The following NCL variants were observed in gnomAD, a reference collection of about 807,000 sequenced individuals.
NCL encodes the protein nucleolin multifunctional protein.
Under a neutral mutation model 77.7 loss-of-function variants are expected in NCL, and 4 were observed. That is an observed-to-expected ratio of 0.05 (90% CI 0.03 to 0.12). The LOEUF is 0.12. Among genes scored for constraint, NCL ranks in the 10% least tolerant of loss-of-function variants. NCL has a pLI of 1.00. For missense variants in NCL, 763 were observed against 860.9 expected, an observed-to-expected ratio of 0.89 and a Z score of 1.42; for synonymous variants, 344 against 297.8, an observed-to-expected ratio of 1.16 and a Z score of -1.60.
chr2:231,457,881 T>C, intron 8 of NCL, 81 bp from the exon 9 acceptor site: 1 of 1,309,546 alleles, frequency 7.6e-7, no homozygotes, highest in Non-Finnish European at 1.0e-6. Context: ...CAGAACTTGC[T>C]TCAGATCTGA....
At chr2:231,458,578 A>G in intron 7 of NCL, 189 bp from the exon 8 acceptor site, 1 of 706,218 alleles carries the variant, frequency 1.4e-6, no homozygotes, top group South Asian at 2.0e-5. Context: ...CCATGTTGTC[A>G]CAGCTGATGT....
chr2:231,463,444 A>C, intron 1 of NCL, 128 bp from the exon 2 acceptor site: 1 of 736,888 alleles, frequency 1.4e-6, no homozygotes, highest in Admixed American at 2.4e-5. Flanking sequence ...CAAACACCAC[A>C]ACTAACATAG....
At chr2:231,456,213 C>T in intron 11 of NCL, 77 bp from the exon 12 acceptor site, 1 of 1,552,990 alleles carries the variant, frequency 6.4e-7, no homozygotes, top group Non-Finnish European at 8.8e-7. Flanking sequence ...CCTAGTATGA[C>T]TACTAGCCAA....
chr2:231,461,763 T>C lies in NCL; in HGVS notation c.390A>G (p.Pro130=). ...TCTTGCCATTCTTTGCCCCCTTGGCTGGGATGGCAGCACCCTTCTTACCAG... is the reference window on the plus strand; with the variant it reads ...TCTTGCCATTCTTTGCCCCCTTGGCCGGGATGGCAGCACCCTTCTTACCAG... The part of the protein sequence containing the change: ...ATPGKKGAAI[P]AKGAKNGKNA... The change falls in exon 3 of 14, where the codon CCA becomes CCG. Residue 130 remains proline, a synonymous_variant. Transcript: ENST00000322723. 1 of 1,614,228 alleles carries C rather than the reference T, an allele frequency of 6.2e-7. No homozygotes were observed. The highest frequency in any genetic ancestry group is 8.5e-7 in the Non-Finnish European group (1 of 1,180,048).
chr2:231,464,014 C>A (rs1388294958), intron 1 of NCL: 3 of 831,150 alleles, frequency 3.6e-6, no homozygotes, highest in East Asian at 1.1e-4. Context: ...CGGGCACGTG[C>A]GTCAGGAGTC....
In NCL at chr2:231,454,968, G is replaced by C. The variant is rs2046869973; in HGVS notation, c.*223C>G. 3.2e-5 allele frequency: 16 copies of C among 496,958 alleles called. No individual in the cohort carries two copies. In the South Asian group the frequency reaches 5.9e-4, roughly 18 times the overall value. 30.8% of individuals were successfully genotyped at this position (496,958 alleles called of 1,614,324 possible). A position where few individuals can be genotyped will look rare whatever the true frequency, so the allele number is the denominator to read the frequency against. ...ATATAAATTCAAAACTTACAGATAAGGGTTAGCTCTATCACTCAACTCTTT... is the reference window on the plus strand; with the variant it reads ...ATATAAATTCAAAACTTACAGATAACGGTTAGCTCTATCACTCAACTCTTT... On this transcript the variant is annotated 3_prime_UTR_variant, in exon 14 of 14. Transcript: ENST00000322723.
intron 8 of NCL, 79 bp downstream of exon 8, chr2:231,458,187 C>A (rs1307775261): frequency 3.2e-6 from 5 of 1,552,032 alleles, no homozygotes; most frequent in Non-Finnish European, 4.4e-6. Flanking sequence ...CTAAGGAAAT[C>A]AAACCAATAT....
chr2:231,455,671 C>T (rs1559539826), intron 12 of NCL, 47 bp from the exon 13 acceptor site: 1 of 1,587,178 alleles, frequency 6.3e-7, no homozygotes, highest in Non-Finnish European at 8.6e-7. Context: ...ACCTACTACA[C>T]ATGTCCCAAG....
intron 1 of NCL, chr2:231,464,084 C>A: frequency 3.0e-6 from 4 of 1,346,334 alleles, no homozygotes; most frequent in Non-Finnish European, 3.8e-6. Context: ...CGAGGCCCAG[C>A]GCCCCCTCCC....
chr2:231,460,052 T>A, intron 6 of NCL, 100 bp downstream of exon 6: 1 of 1,272,048 alleles, frequency 7.9e-7, no homozygotes. Context: ...ATGTTTACAG[T>A]ATTCATGTTT....
chr2:231,462,882 C>G (rs2046965546), intron 2 of NCL: 1 of 81,136 alleles, frequency 1.2e-5, no homozygotes, highest in Non-Finnish European at 1.9e-5. Flanking sequence ...GCTCTGAATA[C>G]AATGCCCAGC....
intron 4 of NCL, 31 bp downstream of exon 4, chr2:231,460,638 C>CT: frequency 1.2e-6 from 2 of 1,614,106 alleles, no homozygotes; most frequent in Non-Finnish European, 8.5e-7. Flanking sequence ...AAACATAACT[C>CT]ATGTCGTATG....
chr2:231,456,226 A>T, intron 11 of NCL, 90 bp from the exon 12 acceptor site: 2 of 1,507,156 alleles, frequency 1.3e-6, no homozygotes, highest in Non-Finnish European at 9.0e-7. Flanking sequence ...CTAGCCAAGA[A>T]TACTTGTTAT....
intron 2 of NCL, 136 bp downstream of exon 2, chr2:231,463,064 G>A: frequency 3.0e-6 from 2 of 669,768 alleles, no homozygotes; most frequent in East Asian, 2.6e-5. Context: ...TCAATGAAGA[G>A]CTTGTGAAAC....
Position 231,464,456 on chromosome 2 carries a change from C to T in NCL, c.-103G>A. ...GGTGCTGAAGATCCCGGAGCACGTA[C>T]ACCCGAAGGCCAGCGAGAGCTCGAG... On this transcript the variant is annotated 5_prime_UTR_variant, in exon 1 of 14. Transcript: ENST00000322723. The T allele has an allele frequency of 6.8e-7, 1 of 1,463,662 alleles. No individual in the cohort carries two copies. Among genetic ancestry groups the T allele is most frequent in the Admixed American group, 2.0e-5 (1 of 50,928 alleles). The allele number at this position is 1,463,662 out of a possible 1,614,324, so 90.7% of individuals were successfully genotyped here.
intron 9 of NCL, 84 bp downstream of exon 9, chr2:231,457,559 G>C: frequency 7.5e-7 from 1 of 1,329,258 alleles, no homozygotes. Flanking sequence ...TGATTAAAAA[G>C]TATTTATAAA....
intron 9 of NCL, 38 bp from the exon 10 acceptor site, chr2:231,457,162 CAG>C (rs756927357): frequency 1.7e-5 from 28 of 1,611,750 alleles, no homozygotes; most frequent in African/African-American, 1.3e-4. Flanking sequence ...GACTCTGAAA[CAG>C]TGGTTCCCAG....
intron 11 of NCL, 34 bp downstream of exon 11, chr2:231,456,597 C>T (rs202114632): frequency 1.2e-6 from 2 of 1,613,258 alleles, no homozygotes; most frequent in Admixed American, 1.7e-5. Context: ...AGAGTGCTAC[C>T]CCCAACCACA....
At position 231,456,466 on chromosome 2, in the gene NCL, A is replaced by G. The variant is rs1428943502; in HGVS notation, c.1705+165T>C. ...CAGCTGGATCAGAACTTGACTATCT[A>G]GAGGAATTTTCTTGAGATTTCATCA... is the stretch of plus-strand genomic sequence containing the variant. On this transcript the variant is annotated intron_variant, in intron 11 of 13. Transcript: ENST00000322723. 5 of 1,250,672 alleles carry G rather than the reference A, an allele frequency of 4.0e-6. No individual in the cohort carries two copies. In the African/African-American group the frequency reaches 5.9e-5, roughly 15 times the overall value. The allele number at this position is 1,250,672 out of a possible 1,614,324, so 77.5% of individuals were successfully genotyped here.
Sources: gnomAD v4.1 joint callset for allele counts on GRCh38, gnomAD v4.1.1 for gene constraint, MANE v1.5 for transcripts, NCBI Gene and HGNC (gene_info 2026-07-23, HGNC 2026-07-21) for gene names.